Variants in KIRREL3 observed in about 807,000 individuals in gnomAD.
KIRREL3 encodes kin of IRRE-like protein 3.
A neutral mutation model predicts 89.7 loss-of-function variants in KIRREL3; 36 were observed. That is an observed-to-expected ratio of 0.40 (90% CI 0.31 to 0.53). The LOEUF (loss-of-function observed/expected upper bound fraction) is 0.53, where lower values mean the gene tolerates loss of function less well. KIRREL3 is among the 20% of genes least tolerant of loss of function. The pLI is 0.49. For missense variants in KIRREL3, 864 were observed against 1,056.6 expected (o/e 0.82, Z 2.53); for synonymous variants, 445 against 441.4 (o/e 1.01, Z -0.10).
In KIRREL3 at chr11:126,637,490, G is replaced by A. The variant is rs560617253; in HGVS notation, c.56-74578C>T. On this transcript the variant is annotated intron_variant, in intron 1 of 16. Coordinates refer to ENST00000525144, the MANE Select transcript of KIRREL3 (RefSeq NM_032531.4). ...TCCCAGCCTCCAGCCTCCTGCTCAA[G>A]CCTCTGCCTATTTGTCCAGAACCCT... Among the ~76,000 whole-genome samples, 11 of 152,264 alleles carry A rather than the reference G, an allele frequency of 7.2e-5. No individual in the cohort carries two copies. The East Asian group carries it at 1.2e-3, about 16-fold the overall frequency.
rs551579944 is a variant in KIRREL3 at position 126,880,599 on chromosome 11, T to G, written c.55+119856A>C. 7.9e-5 allele frequency among the ~76,000 whole-genome samples: 12 copies of G among 151,650 alleles called. No homozygotes were observed. In the South Asian group the frequency reaches 2.5e-3, roughly 32 times the overall value. ...CCTTTTCTTAATGCAGAAACCAAGG[T>G]AACAATATCCTATTTTTCCTTGTTG... On this transcript the variant is annotated intron_variant, in intron 1 of 16. Transcript: ENST00000525144.
intron 1 of KIRREL3, among the ~76,000 whole-genome samples, chr11:126,893,717 T>G (rs1946021390): frequency 6.6e-6 from 1 of 152,246 alleles, no homozygotes; most frequent in African/African-American, 2.4e-5. Flanking sequence ...CACGTCTGAA[T>G]GCACTTAAAT....
intron 2 of KIRREL3, among the ~76,000 whole-genome samples, chr11:126,534,469 G>A (rs892912707): frequency 1.3e-5 from 2 of 152,138 alleles, no homozygotes; most frequent in African/African-American, 2.4e-5. Flanking sequence ...CCTGCTCGCC[G>A]CCTGGAAGGT....
At chr11:126,461,716 C>A (rs978572785) in intron 6 of KIRREL3, among the ~76,000 whole-genome samples, 2 of 152,068 alleles carry the variant, frequency 1.3e-5, no homozygotes, top group East Asian at 3.9e-4. Context: ...TCTCAGCTGC[C>A]AAGATGAGCT....
rs1157202860 is a variant in KIRREL3 at position 126,723,698 on chromosome 11, CATA to C, written c.56-160789_56-160787del. 6.6e-6 allele frequency among the ~76,000 whole-genome samples: 1 copy of C among 151,978 alleles called. No individual in the cohort carries two copies. Among genetic ancestry groups the C allele is most frequent in the Non-Finnish European group, 1.5e-5 (1 of 68,010 alleles). On this transcript the variant is annotated intron_variant, in intron 1 of 16. Transcript: ENST00000525144. This position sits in a 1 kb window ranked among gnomAD's most constrained non-coding sequence, Gnocchi z 4.0. ...ATTCCTAGTACCTAGACCATGATGA[CATA>C]ATAATAGATGCAGAATTAATTTTCA...
Position 126,909,482 on chromosome 11 carries a change from C to T in KIRREL3, c.55+90973G>A, listed in dbSNP as rs139084669. 6.6e-6 allele frequency among the ~76,000 whole-genome samples: 1 copy of T among 152,348 alleles called. No homozygotes were observed. Among genetic ancestry groups the T allele is most frequent in the African/African-American group, 2.4e-5 (1 of 41,584 alleles). On this transcript the variant is annotated intron_variant, in intron 1 of 16. Transcript: ENST00000525144. The surrounding 1 kb of genome is among the most constrained non-coding windows in gnomAD (Gnocchi z 4.5). ...TCCTTCAGCACGTGCTAAGCGCCGA[C>T]TCTCAGGGCATGGCTCTGAGGATGA... is the stretch of plus-strand genomic sequence containing the variant.
Position 126,940,411 on chromosome 11 carries a change from T to C in KIRREL3, c.55+60044A>G, listed in dbSNP as rs1948396123. The C allele has an allele frequency of 6.6e-6, 1 of 152,022 alleles. No individual in the cohort carries two copies. Among genetic ancestry groups the C allele is most frequent in the Non-Finnish European group, 1.5e-5 (1 of 68,022 alleles). 9.4% of individuals were successfully genotyped at this position (152,022 alleles called of 1,614,324 possible). On this transcript the variant is annotated intron_variant, in intron 1 of 16. Coordinates refer to ENST00000525144, the MANE Select transcript of KIRREL3 (RefSeq NM_032531.4). The surrounding 1 kb of genome is among the most constrained non-coding windows in gnomAD (Gnocchi z 4.6). ...TGCCGCCCTAGATTATGAAAAAGTATAATTATATGCAATTAAAAAATGAAC... is the reference window on the plus strand; with the variant it reads ...TGCCGCCCTAGATTATGAAAAAGTACAATTATATGCAATTAAAAAATGAAC...
rs1951238392 is a variant in KIRREL3, at chr11:126,807,444, G to T, written c.55+193011C>A. 1.3e-5 allele frequency among the ~76,000 whole-genome samples: 2 copies of T among 152,198 alleles called. No individual in the cohort carries two copies. The highest frequency in any genetic ancestry group is 2.1e-4 in the South Asian group (1 of 4,824). ...TAGTGGTTGAGACCTCATTAGCTATGTGTTTAACCATTCATGTCTAACTAT... is the reference window on the plus strand; with the variant it reads ...TAGTGGTTGAGACCTCATTAGCTATTTGTTTAACCATTCATGTCTAACTAT... On this transcript the variant is annotated intron_variant, in intron 1 of 16. Transcript: ENST00000525144. This position sits in a 1 kb window ranked among gnomAD's most constrained non-coding sequence, Gnocchi z 4.3.
intron 1 of KIRREL3, among the ~76,000 whole-genome samples, chr11:126,638,134 C>T (rs1388608199): frequency 1.3e-5 from 2 of 152,188 alleles, no homozygotes; most frequent in African/African-American, 2.4e-5. Flanking sequence ...ATGGGAAGCT[C>T]AGAAGAGGAA....
Position 126,898,853 on chromosome 11 carries a change from C to T in KIRREL3, c.55+101602G>A, listed in dbSNP as rs1200574477. Among the ~76,000 whole-genome samples the T allele has an allele frequency of 6.6e-6, 1 of 152,092 alleles. No homozygotes were observed. Among genetic ancestry groups the T allele is most frequent in the African/African-American group, 2.4e-5 (1 of 41,404 alleles). ...CTTATATTCAATTTAAAAAATAGCACATAACTTAGAACATGGAATAAATGC... is the reference window on the plus strand; with the variant it reads ...CTTATATTCAATTTAAAAAATAGCATATAACTTAGAACATGGAATAAATGC... On this transcript the variant is annotated intron_variant, in intron 1 of 16. Coordinates refer to ENST00000525144, the MANE Select transcript of KIRREL3 (RefSeq NM_032531.4). The surrounding 1 kb of genome is among the most constrained non-coding windows in gnomAD (Gnocchi z 4.9).
intron 1 of KIRREL3, among the ~76,000 whole-genome samples, chr11:126,949,743 T>A (rs576477923): frequency 1.3e-5 from 2 of 152,330 alleles, no homozygotes; most frequent in South Asian, 4.1e-4. Flanking sequence ...GGTCACCAAC[T>A]GACTCAGTGT....
chr11:126,440,410 GCTGGC>G (rs1302382765), intron 11 of KIRREL3, 34 bp downstream of exon 11: 1 of 1,533,110 alleles, frequency 6.5e-7, no homozygotes, highest in Admixed American at 2.0e-5. Flanking sequence ...CTGTTGGGCT[GCTGGC>G]CCGGCCCCCG....
chr11:126,757,417 TG>T (rs1377284119), intron 1 of KIRREL3, among the ~76,000 whole-genome samples: 21 of 152,158 alleles, frequency 1.4e-4, no homozygotes. Flanking sequence ...CTCAGACCTC[TG>T]GGAGAAAAAG....
intron 1 of KIRREL3, among the ~76,000 whole-genome samples, chr11:126,597,744 GA>G (rs1449086157): frequency 1.3e-5 from 2 of 152,218 alleles, no homozygotes; most frequent in African/African-American, 4.8e-5. Context: ...AATAAAAGTT[GA>G]TAGCAATGGG....
intron 1 of KIRREL3, among the ~76,000 whole-genome samples, chr11:126,663,172 T>C (rs896414164): frequency 1.4e-5 from 2 of 147,814 alleles, no homozygotes; most frequent in African/African-American, 2.5e-5. Flanking sequence ...GGTTTTGATA[T>C]CATGTCTGGC....
At chr11:126,725,183 G>A (rs1358213894) in intron 1 of KIRREL3, among the ~76,000 whole-genome samples, 5 of 152,218 alleles carry the variant, frequency 3.3e-5, no homozygotes, top group East Asian at 3.8e-4. Flanking sequence ...AGAAAGTCAC[G>A]TGACCCAGTG....
In KIRREL3 at chr11:126,683,476, C is replaced by A. The variant is rs1375715634; in HGVS notation, c.56-120564G>T. Among the ~76,000 whole-genome samples, 1 of 152,204 alleles carries A rather than the reference C, an allele frequency of 6.6e-6. No homozygotes were observed. Among genetic ancestry groups the A allele is most frequent in the Non-Finnish European group, 1.5e-5 (1 of 68,040 alleles). On this transcript the variant is annotated intron_variant, in intron 1 of 16. Transcript: ENST00000525144. This position sits in a 1 kb window ranked among gnomAD's most constrained non-coding sequence, Gnocchi z 5.2. ...CCACTGCTTTCACCGAGGGTCTCTG[C>A]ATGACTTTAGGAAAGTCACTAGACT...
rs764633075 is a variant in KIRREL3 at position 127,000,314 on chromosome 11, G to C, written c.55+141C>G. ...GCATTCGCAAAGGCGAAGAGGCAAT[G>C]CCAGAGCATCTCAGCCCGGCACCGA... On this transcript the variant is annotated intron_variant, in intron 1 of 16. Coordinates refer to ENST00000525144, the MANE Select transcript of KIRREL3 (RefSeq NM_032531.4). This position sits in a 1 kb window ranked among gnomAD's most constrained non-coding sequence, Gnocchi z 7.1. 4.7e-6 allele frequency: 3 copies of C among 641,644 alleles called. No homozygotes were observed. Among genetic ancestry groups the C allele is most frequent in the African/African-American group, 3.7e-5 (2 of 53,952 alleles). 39.7% of individuals were successfully genotyped at this position (641,644 alleles called of 1,614,324 possible).
chr11:126,586,113 C>T (rs775181463), intron 1 of KIRREL3, among the ~76,000 whole-genome samples: 1 of 152,118 alleles, frequency 6.6e-6, no homozygotes, highest in Non-Finnish European at 1.5e-5. Context: ...CCGGACGTGG[C>T]GGCATTCAGA....
Sources: gnomAD v4.1 joint callset for allele counts (sites outside exome capture counted in the v4.1 genomes callset) on GRCh38, gnomAD v4.1.1 for gene constraint, Gnocchi (gnomAD v3.1) non-coding constraint, MANE v1.5 for transcripts, NCBI Gene and HGNC (gene_info 2026-07-23, HGNC 2026-07-21) for gene names.